NRG1: variants seen among roughly 807,000 people sequenced by gnomAD.
NRG1 encodes pro-neuregulin-1, membrane-bound isoform.
A neutral mutation model predicts 63.8 loss-of-function variants in NRG1; 18 were observed. That is an observed-to-expected ratio of 0.28 (90% confidence interval 0.19 to 0.42). NRG1 has a LOEUF of 0.42. Among genes scored for constraint, NRG1 ranks in the 10% least tolerant of loss-of-function variants. The pLI, the probability that NRG1 is intolerant of heterozygous loss-of-function variation, is 1.00. For missense variants in NRG1, 762 were observed against 814.7 expected (o/e 0.94, Z 0.79); for synonymous variants, 302 against 301.3 (o/e 1.00, Z -0.02).
chr8:32,054,851 A>ATTTC (rs879941286), intron 1 of NRG1, among the ~76,000 whole-genome samples: 3 of 109,678 alleles, frequency 2.7e-5, no homozygotes, highest in African/African-American at 1.2e-4. Context: ...TGAAAAGCAG[A>ATTTC]TTTCTTTCTT....
intron 1 of NRG1, among the ~76,000 whole-genome samples, chr8:32,488,840 A>C (rs188564758): frequency 9.2e-5 from 14 of 152,300 alleles, no homozygotes; most frequent in African/African-American, 2.9e-4. Flanking sequence ...GAGTAACGAC[A>C]GGCACCTGGC....
At position 31,821,042 on chromosome 8, in the gene NRG1, A is replaced by G. The variant is rs548295674; in HGVS notation, c.37+181611A>G. ...CATGTAATCTAGCCCACTTTCCTGTATACTTTATATCATCTCTATATTAGA... is the reference window on the plus strand; with the variant it reads ...CATGTAATCTAGCCCACTTTCCTGTGTACTTTATATCATCTCTATATTAGA... On this transcript the variant is annotated intron_variant, in intron 1 of 10. Transcript: ENST00000519301. Among the ~76,000 whole-genome samples the G allele has an allele frequency of 2.0e-5, 3 of 152,360 alleles. No individual in the cohort carries two copies. The South Asian group carries it at 6.2e-4, about 32-fold the overall frequency.
intron 1 of NRG1, among the ~76,000 whole-genome samples, chr8:31,933,064 T>G (rs570376493): frequency 2.0e-5 from 3 of 152,362 alleles, no homozygotes; most frequent in Admixed American, 1.3e-4. Context: ...TATAAAATTT[T>G]AAATTTAGAT....
chr8:32,192,521 T>A (rs1842592512), intron 1 of NRG1, among the ~76,000 whole-genome samples: 1 of 152,086 alleles, frequency 6.6e-6, no homozygotes, highest in Non-Finnish European at 1.5e-5. Context: ...TTCTCACTTT[T>A]AAGTGGGCAC....
intron 1 of NRG1, among the ~76,000 whole-genome samples, chr8:32,174,285 C>T (rs370838010): frequency 3.4e-4 from 52 of 152,128 alleles, no homozygotes; most frequent in Middle Eastern, 3.4e-3. Context: ...TTGAAACCAA[C>T]GAGAACAAAG....
At chr8:32,579,051 A>G (rs1218131323) in intron 1 of NRG1, among the ~76,000 whole-genome samples, 2 of 152,204 alleles carry the variant, frequency 1.3e-5, no homozygotes, top group African/African-American at 2.4e-5. Flanking sequence ...CTACTTAAGT[A>G]GTAGTCACTA....
chr8:32,499,534 T>A (rs993571383), intron 1 of NRG1, among the ~76,000 whole-genome samples: 4 of 152,056 alleles, frequency 2.6e-5, no homozygotes, highest in African/African-American at 9.7e-5. Context: ...GTCATCCAAA[T>A]GTAGTTGTAT....
chr8:31,879,117 A>G (rs1830152909), intron 1 of NRG1, among the ~76,000 whole-genome samples: 2 of 152,174 alleles, frequency 1.3e-5, no homozygotes, highest in Non-Finnish European at 2.9e-5. Flanking sequence ...CGCATTACAC[A>G]AGGGATGACC....
At chr8:32,174,555 T>C (rs1840469715) in intron 1 of NRG1, among the ~76,000 whole-genome samples, 1 of 152,158 alleles carries the variant, frequency 6.6e-6, no homozygotes, top group Non-Finnish European at 1.5e-5. Flanking sequence ...GCTGGTTTTC[T>C]GAAAATATCA....
chr8:31,741,835 A>G (rs1244136282), intron 1 of NRG1, among the ~76,000 whole-genome samples: 1 of 152,034 alleles, frequency 6.6e-6, no homozygotes, highest in African/African-American at 2.4e-5. Flanking sequence ...TACCAATCCT[A>G]TATATGCTGT....
chr8:31,985,049 A>G (rs1184844420), intron 1 of NRG1, among the ~76,000 whole-genome samples: 1 of 152,110 alleles, frequency 6.6e-6, no homozygotes, highest in Non-Finnish European at 1.5e-5. Context: ...TTAAAAGGTG[A>G]TCTCAATTGC....
intron 5 of NRG1, among the ~76,000 whole-genome samples, chr8:32,644,242 T>C (rs926121201): frequency 2.6e-5 from 4 of 152,162 alleles, no homozygotes; most frequent in Admixed American, 6.5e-5. Flanking sequence ...TAAAAAATTG[T>C]GTAGTTTATT....
intron 6 of NRG1, among the ~76,000 whole-genome samples, chr8:32,731,848 C>A (rs946972324): frequency 1.3e-5 from 2 of 152,138 alleles, no homozygotes; most frequent in Non-Finnish European, 1.5e-5. Context: ...CTGTCTAGAG[C>A]TAAGCATTGC....
intron 7 of NRG1, among the ~76,000 whole-genome samples, chr8:32,773,601 C>T (rs937168425): frequency 6.6e-6 from 1 of 152,080 alleles, no homozygotes; most frequent in African/African-American, 2.4e-5. Context: ...AAGTCCACAC[C>T]CTCCTTCACA....
intron 1 of NRG1, among the ~76,000 whole-genome samples, chr8:31,984,355 AT>A (rs1442769982): frequency 4.2e-4 from 64 of 152,198 alleles, no homozygotes; most frequent in Non-Finnish European, 6.9e-4. Flanking sequence ...CCACTTCTCC[AT>A]CTTAATGATT....
intron 1 of NRG1, among the ~76,000 whole-genome samples, chr8:32,371,992 A>ATTTTTTTTT (rs60780562): frequency 6.2e-5 from 8 of 129,416 alleles, no homozygotes; most frequent in African/African-American, 1.4e-4. Flanking sequence ...CTTCTTCTTC[A>ATTTTTTTTT]TTTTTTTTTT....
chr8:31,655,565 ACAAT>A (rs2082494063), intron 1 of NRG1, among the ~76,000 whole-genome samples: 1 of 152,212 alleles, frequency 6.6e-6, no homozygotes, highest in Admixed American at 6.5e-5. Context: ...GAAGTAAGGA[ACAAT>A]CAGACGATTC....
chr8:32,725,904 A>G (rs1383772939), intron 5 of NRG1, among the ~76,000 whole-genome samples: 2 of 152,140 alleles, frequency 1.3e-5, no homozygotes, highest in African/African-American at 4.8e-5. Flanking sequence ...GAAATGTTGT[A>G]TACTCCATGA....
intron 5 of NRG1, chr8:32,647,183 G>A: frequency 3.0e-6 from 3 of 985,332 alleles, no homozygotes; most frequent in Non-Finnish European, 3.6e-6. Flanking sequence ...TTCAGCCGTC[G>A]TCGCGTTAAC....
Sources: gnomAD v4.1 joint callset for allele counts (sites outside exome capture counted in the v4.1 genomes callset) on GRCh38, gnomAD v4.1.1 for gene constraint, MANE v1.5 for transcripts, NCBI Gene and HGNC (gene_info 2026-07-23, HGNC 2026-07-21) for gene names.